VAV1: variants seen among roughly 807,000 people sequenced by gnomAD.
VAV1 encodes vav guanine nucleotide exchange factor 1.
Under a neutral mutation model 128.1 loss-of-function variants are expected in VAV1, and 33 were observed. The observed-to-expected ratio is 0.26, with a 90% CI of 0.20 to 0.34. The LOEUF (loss-of-function observed/expected upper bound fraction) is 0.34. Ranked by LOEUF, VAV1 falls within the 10% of genes least tolerant of loss-of-function variation. The probability of loss-of-function intolerance (pLI) is 1.00; values close to 1 mark genes in which losing one functional copy is unlikely to be tolerated. For synonymous variants in VAV1, 394 were observed against 409.8 expected (o/e 0.96, Z 0.47); for missense variants, 715 against 1,093.7 (o/e 0.65, Z 4.88).
At chr19:6,830,446 G>T (rs1972028604) in intron 14 of VAV1, among the ~76,000 whole-genome samples, 1 of 152,016 alleles carries the variant, frequency 6.6e-6, no homozygotes. Context: ...TTGTTTGTTT[G>T]TTGGTTTGTT....
At chr19:6,809,553 GAA>G (rs993489244) in intron 1 of VAV1, among the ~76,000 whole-genome samples, 2 of 151,774 alleles carry the variant, frequency 1.3e-5, no homozygotes, top group East Asian at 3.9e-4. Context: ...AGGTAAGTGA[GAA>G]AAAAAAGAGT....
At chr19:6,802,552 G>A (rs1028710398) in intron 1 of VAV1, among the ~76,000 whole-genome samples, 7 of 152,066 alleles carry the variant, frequency 4.6e-5, no homozygotes, top group Non-Finnish European at 1.0e-4. Flanking sequence ...CTGGAAGGAA[G>A]CTGTCTCCGG....
chr19:6,842,988 C>T, intron 21 of VAV1, 147 bp from the exon 22 acceptor site: 1 of 813,756 alleles, frequency 1.2e-6, no homozygotes, highest in East Asian at 2.5e-5. Context: ...GACTTTATCC[C>T]CAGTGAGTAC....
intron 1 of VAV1, among the ~76,000 whole-genome samples, chr19:6,784,596 C>A (rs536293985): frequency 6.6e-6 from 1 of 151,270 alleles, no homozygotes; most frequent in African/African-American, 2.4e-5. Flanking sequence ...CGGGTTCAAG[C>A]GATTCTCCTG....
chr19:6,824,283 C>T (rs1387977776), intron 6 of VAV1, among the ~76,000 whole-genome samples: 1 of 152,076 alleles, frequency 6.6e-6, no homozygotes, highest in East Asian at 1.9e-4. Flanking sequence ...AAACCCCAAA[C>T]TCTTTAGCTG....
At chr19:6,778,441 G>T (rs1053545428) in intron 1 of VAV1, among the ~76,000 whole-genome samples, 1 of 152,190 alleles carries the variant, frequency 6.6e-6, no homozygotes, top group Non-Finnish European at 1.5e-5. Context: ...GGGACAGTTA[G>T]AGTAGGGGGT....
chr19:6,833,179 G>A lies in VAV1; in HGVS notation c.1509-5G>A, dbSNP rs754670349. 3.8e-6 allele frequency: 6 copies of A among 1,579,208 alleles called. No homozygotes were observed. The highest frequency in any genetic ancestry group is 5.1e-6 in the Non-Finnish European group (6 of 1,167,978). On this transcript the variant is annotated splice_polypyrimidine_tract_variant and splice_region_variant and intron_variant, in intron 15 of 26. Transcript: ENST00000602142. ...TTTTTTTTTTTTTTAATTTTCCCCT[G>A]CCAGCTCCAACATCTATCCGGAGAA...
rs1971917814 is a variant in VAV1 at position 6,826,315 on chromosome 19, G to A, written c.828-297G>A. ...ATCACACCACTGTACTCCAGCCTGG[G>A]AGACAAGCGTGAAACCCCGTCTCAA... On this transcript the variant is annotated intron_variant, in intron 8 of 26. Coordinates refer to ENST00000602142, the MANE Select transcript of VAV1 (RefSeq NM_005428.4). This position sits in a 1 kb window ranked among gnomAD's most constrained non-coding sequence, Gnocchi z 4.1. Among the ~76,000 whole-genome samples the A allele has an allele frequency of 6.6e-6, 1 of 152,134 alleles. No individual in the cohort carries two copies. The highest frequency in any genetic ancestry group is 2.4e-5 in the African/African-American group (1 of 41,440).
intron 1 of VAV1, among the ~76,000 whole-genome samples, chr19:6,773,598 G>T (rs1304417496): frequency 6.6e-6 from 1 of 152,290 alleles, no homozygotes; most frequent in East Asian, 1.9e-4. Flanking sequence ...ATCCATCTCA[G>T]AGGAGATAGT....
At chr19:6,783,989 C>T (rs763901902) in intron 1 of VAV1, 10 of 385,478 alleles carry the variant, frequency 2.6e-5, no homozygotes, top group Non-Finnish European at 4.6e-5. Flanking sequence ...CATGGTGGCT[C>T]ATGCCTGTAA....
At chr19:6,853,120 T>A in intron 25 of VAV1, 41 bp downstream of exon 25, 1 of 1,586,522 alleles carries the variant, frequency 6.3e-7, no homozygotes, top group Non-Finnish European at 8.6e-7. Flanking sequence ...CTCAGCCCCT[T>A]CCCATTGTGG....
At chr19:6,791,010 C>T (rs1353896797) in intron 1 of VAV1, among the ~76,000 whole-genome samples, 6 of 152,188 alleles carry the variant, frequency 3.9e-5, no homozygotes, top group South Asian at 2.1e-4. Flanking sequence ...CGAGTCCTGC[C>T]TCCTATTTCA....
intron 1 of VAV1, among the ~76,000 whole-genome samples, chr19:6,796,438 TCCCTCC>T (rs1971137508): frequency 6.6e-6 from 1 of 151,550 alleles, no homozygotes; most frequent in African/African-American, 2.4e-5. Flanking sequence ...ACTCCCTTCC[TCCCTCC>T]CCCTCGCTTA....
intron 22 of VAV1, among the ~76,000 whole-genome samples, chr19:6,844,123 G>A (rs138273350): frequency 2.8e-5 from 3 of 108,648 alleles, no homozygotes; most frequent in African/African-American, 7.1e-5. Flanking sequence ...GGCTGAGAGA[G>A]GGTAAGTGAA....
rs969879369 is a variant in VAV1, at chr19:6,822,871, C to T, written c.654+357C>T. ...TACAAAGTATATATAAAAATATAAA[C>T]ATATAATATGTATAAAATATAAACA... On this transcript the variant is annotated intron_variant, in intron 6 of 26. Coordinates refer to ENST00000602142, the MANE Select transcript of VAV1 (RefSeq NM_005428.4). The surrounding 1 kb of genome is among the most constrained non-coding windows in gnomAD (Gnocchi z 5.9). Among the ~76,000 whole-genome samples the T allele has an allele frequency of 6.9e-6, 1 of 144,760 alleles. No homozygotes were observed. Among genetic ancestry groups the T allele is most frequent in the African/African-American group, 2.5e-5 (1 of 39,808 alleles). 95.0% of individuals were successfully genotyped at this position (144,760 alleles called of 152,430 possible).
At chr19:6,825,218 G>A in intron 7 of VAV1, 85 bp from the exon 8 acceptor site, 1 of 1,573,486 alleles carries the variant, frequency 6.4e-7, no homozygotes, top group Non-Finnish European at 8.7e-7. Flanking sequence ...GAGTTGAGCG[G>A]CATGGGGCGG....
chr19:6,838,101 A>G (rs111838239), intron 21 of VAV1, among the ~76,000 whole-genome samples: 38 of 117,908 alleles, frequency 3.2e-4, no homozygotes, highest in African/African-American at 1.4e-3. Context: ...CTGTCTGTCT[A>G]TCTATCTATC....
At position 6,848,121 on chromosome 19, in the gene VAV1, C is replaced by T. The variant is rs1351120764; in HGVS notation, c.2129+7C>T. ...AATTTGCCATCAGCATTAAGTAACT[C>T]CTTTCTCCCTGACTCATACCCTTTT... On this transcript the variant is annotated splice_region_variant and intron_variant, in intron 23 of 26. Coordinates refer to ENST00000602142, the MANE Select transcript of VAV1 (RefSeq NM_005428.4). 1.3e-6 allele frequency: 2 copies of T among 1,544,642 alleles called. No individual in the cohort carries two copies.
chr19:6,776,756 T>C (rs1272666594), intron 1 of VAV1, among the ~76,000 whole-genome samples: 1 of 151,348 alleles, frequency 6.6e-6, no homozygotes, highest in Non-Finnish European at 1.5e-5. Flanking sequence ...ATCTGTCTTT[T>C]TTATTTATTT....
Sources: allele counts gnomAD v4.1 joint callset (sites outside exome capture counted in the v4.1 genomes callset), GRCh38; gene constraint gnomAD v4.1.1; non-coding constraint Gnocchi (gnomAD v3.1); transcripts MANE v1.5; gene names NCBI Gene and HGNC (gene_info 2026-07-23, HGNC 2026-07-21).